Variants in MEI4 observed in about 807,000 individuals in gnomAD.
The protein encoded by MEI4 is meiotic double-stranded break formation protein 4.
Under a neutral mutation model 31.4 loss-of-function variants are expected in MEI4, and 27 were observed. The observed-to-expected ratio is 0.86, with a 90% confidence interval of 0.63 to 1.19. The LOEUF is 1.19. MEI4 is among the 50% of genes most tolerant of loss of function. MEI4 has a pLI of 0.00. For missense variants in MEI4, 329 were observed against 398.9 expected (o/e 0.82, Z 1.49); for synonymous variants, 122 against 145.4 (o/e 0.84, Z 1.16).
intron 1 of MEI4, among the ~76,000 whole-genome samples, chr6:77,666,391 G>T (rs1260216417): frequency 6.6e-6 from 1 of 152,132 alleles, no homozygotes; most frequent in Admixed American, 6.5e-5. Context: ...GGATGTATAC[G>T]TGCAAGTCAC....
At chr6:77,680,172 A>C (rs1306436297) in intron 1 of MEI4, among the ~76,000 whole-genome samples, 2 of 142,278 alleles carry the variant, frequency 1.4e-5, no homozygotes, top group African/African-American at 5.3e-5. Flanking sequence ...CCAGCTACTC[A>C]GGAGGCTGAG....
At chr6:77,742,634 A>G (rs1173524858) in intron 2 of MEI4, among the ~76,000 whole-genome samples, 1 of 152,090 alleles carries the variant, frequency 6.6e-6, no homozygotes. Flanking sequence ...GTTAGATCCC[A>G]TTTGTCAATT....
chr6:77,805,233 T>A (rs1769398455), intron 3 of MEI4, among the ~76,000 whole-genome samples: 1 of 152,136 alleles, frequency 6.6e-6, no homozygotes, highest in African/African-American at 2.4e-5. Context: ...AGCCTTCTTA[T>A]TAGATACCAT....
intron 1 of MEI4, among the ~76,000 whole-genome samples, chr6:77,682,984 C>T (rs1768985317): frequency 6.6e-6 from 1 of 152,160 alleles, no homozygotes; most frequent in Non-Finnish European, 1.5e-5. Flanking sequence ...GATGTTTCCT[C>T]AATTCTGAAA....
rs568290592 is a variant in MEI4, at chr6:77,759,245, T to C, written c.233-1885T>C. ...TTAAATTGTTCCTTCTCTATGTTCT[T>C]AATGACTGTTATGTCTCTATCCAGC... On this transcript the variant is annotated intron_variant, in intron 2 of 4. Transcript: ENST00000684080. Among the ~76,000 whole-genome samples, 19 of 152,324 alleles carry C rather than the reference T, an allele frequency of 1.2e-4. No homozygotes were observed. In the South Asian group the frequency reaches 3.9e-3, roughly 32 times the overall value.
chr6:77,869,031 C>A (rs576308165), intron 4 of MEI4, among the ~76,000 whole-genome samples: 1 of 152,206 alleles, frequency 6.6e-6, no homozygotes, highest in Non-Finnish European at 1.5e-5. Flanking sequence ...AAGGAGTCCT[C>A]AGAAAAGTTA....
chr6:77,732,547 C>T (rs1449502891), intron 2 of MEI4, among the ~76,000 whole-genome samples: 1 of 151,866 alleles, frequency 6.6e-6, no homozygotes, highest in Admixed American at 6.6e-5. Context: ...AGGGGTTTTC[C>T]AGATATACAA....
intron 3 of MEI4, among the ~76,000 whole-genome samples, chr6:77,775,712 CA>C (rs2127688177): frequency 6.6e-6 from 1 of 152,142 alleles, no homozygotes; most frequent in African/African-American, 2.4e-5. Flanking sequence ...GGTAGTTAAC[CA>C]GTAGTAGGAT....
intron 3 of MEI4, among the ~76,000 whole-genome samples, chr6:77,771,409 C>A (rs966942090): frequency 1.3e-5 from 2 of 151,954 alleles, no homozygotes; most frequent in African/African-American, 4.8e-5. Context: ...AAAGGAATTA[C>A]TATTTTACCT....
chr6:77,781,020 G>A (rs898532484), intron 3 of MEI4, among the ~76,000 whole-genome samples: 1 of 152,006 alleles, frequency 6.6e-6, no homozygotes, highest in African/African-American at 2.4e-5. Flanking sequence ...TCTAGTAGCC[G>A]AGACTGCATG....
intron 4 of MEI4, among the ~76,000 whole-genome samples, chr6:77,854,127 G>A (rs1473313574): frequency 6.6e-6 from 1 of 151,992 alleles, no homozygotes; most frequent in African/African-American, 2.4e-5. Context: ...ATCATACTGA[G>A]TGTTCTAAGT....
intron 4 of MEI4, among the ~76,000 whole-genome samples, chr6:77,851,052 G>T (rs1378163561): frequency 6.6e-6 from 1 of 152,164 alleles, no homozygotes; most frequent in Non-Finnish European, 1.5e-5. Flanking sequence ...ATCATCACTG[G>T]CCATCAGAGA....
At chr6:77,758,899 C>A (rs1767975564) in intron 2 of MEI4, among the ~76,000 whole-genome samples, 1 of 152,164 alleles carries the variant, frequency 6.6e-6, no homozygotes, top group Admixed American at 6.5e-5. Context: ...GTGTCCTTCA[C>A]TTACTTTCTT....
chr6:77,730,962 A>AT lies in MEI4; in HGVS notation c.233-30162dup, dbSNP rs1316701656. 8.6e-5 allele frequency among the ~76,000 whole-genome samples: 13 copies of AT among 151,708 alleles called. No individual in the cohort carries two copies. In the South Asian group the frequency reaches 1.7e-3, roughly 19 times the overall value. ...TCCCTACAAAGGACATGAACCCATC[A>AT]TTTTTTATGGCTGCATAGTATTCCA... On this transcript the variant is annotated intron_variant, in intron 2 of 4. Transcript: ENST00000684080.
At chr6:77,735,379 T>G (rs1767159490) in intron 2 of MEI4, among the ~76,000 whole-genome samples, 1 of 152,002 alleles carries the variant, frequency 6.6e-6, no homozygotes. Flanking sequence ...TTCATTTCAT[T>G]CATTTCATCT....
Position 77,880,387 on chromosome 6 carries a change from C to T in MEI4, c.901-42702C>T, listed in dbSNP as rs929037238. 9.2e-5 allele frequency among the ~76,000 whole-genome samples: 14 copies of T among 152,040 alleles called. No individual in the cohort carries two copies. In the South Asian group the frequency reaches 2.5e-3, roughly 27 times the overall value. On this transcript the variant is annotated intron_variant, in intron 4 of 4. Coordinates refer to ENST00000684080, the MANE Select transcript of MEI4 (RefSeq NM_001322247.2). ...CTGGGACTACAGGCGCCCACCACCA[C>T]GCCTGGCTAATTTTTTTGTATTTTT...
intron 2 of MEI4, among the ~76,000 whole-genome samples, chr6:77,699,838 G>A (rs139067452): frequency 0.012 from 1,868 of 152,260 alleles, 18 homozygotes; most frequent in Non-Finnish European, 0.02. Context: ...GTTTGCTGGA[G>A]GTCCACTCCA....
At chr6:77,691,183 A>G (rs929937954) in intron 2 of MEI4, among the ~76,000 whole-genome samples, 1 of 151,958 alleles carries the variant, frequency 6.6e-6, no homozygotes, top group Non-Finnish European at 1.5e-5. Flanking sequence ...TTATTTTACT[A>G]TACATTTTAT....
At chr6:77,730,223 T>C (rs994727767) in intron 2 of MEI4, among the ~76,000 whole-genome samples, 1 of 152,130 alleles carries the variant, frequency 6.6e-6, no homozygotes, top group African/African-American at 2.4e-5. Flanking sequence ...ACTTCAGTAA[T>C]TTTATTGTTT....
Sources: allele counts gnomAD v4.1 joint callset (sites outside exome capture counted in the v4.1 genomes callset), GRCh38; gene constraint gnomAD v4.1.1; transcripts MANE v1.5; gene names NCBI Gene and HGNC (gene_info 2026-07-23, HGNC 2026-07-21).